ZNF652: variants seen among roughly 807,000 people sequenced by gnomAD.
ZNF652 encodes the protein zinc finger protein 652.
A neutral mutation model predicts 45.2 loss-of-function variants in ZNF652; 16 were observed. The observed-to-expected ratio is 0.35, with a 90% CI of 0.24 to 0.54. ZNF652 has a LOEUF of 0.54. Among genes scored for constraint, ZNF652 ranks in the 20% least tolerant of loss-of-function variants. The probability of loss-of-function intolerance (pLI) is 0.91; values close to 1 mark genes in which losing one functional copy is unlikely to be tolerated. For missense variants in ZNF652, 614 were observed against 765.6 expected, an observed-to-expected ratio of 0.80 and a Z score of 2.34; for synonymous variants, 250 against 260.6, an observed-to-expected ratio of 0.96 and a Z score of 0.39.
intron 1 of ZNF652, among the ~76,000 whole-genome samples, chr17:49,336,012 A>C (rs1014128551): frequency 2.6e-5 from 4 of 151,318 alleles, no homozygotes; most frequent in African/African-American, 9.7e-5. Context: ...TGTCATATCT[A>C]TTGTTACCTT....
chr17:49,309,144 A>G (rs2069672601), intron 5 of ZNF652, among the ~76,000 whole-genome samples: 1 of 151,978 alleles, frequency 6.6e-6, no homozygotes, highest in African/African-American at 2.4e-5. Context: ...GTTACCAAGC[A>G]TCTATGTGCC....
chr17:49,303,826 GTTTT>G (rs905910459), intron 5 of ZNF652, among the ~76,000 whole-genome samples: 14 of 151,854 alleles, frequency 9.2e-5, no homozygotes, highest in African/African-American at 3.1e-4. Flanking sequence ...GGATGTTTAG[GTTTT>G]TTATGTGCTC....
rs1347825844 is a variant in ZNF652, at chr17:49,289,393, T to A, written c.*9020A>T. 1 of 152,238 alleles carries A rather than the reference T, an allele frequency of 6.6e-6. No individual in the cohort carries two copies. Among genetic ancestry groups the A allele is most frequent in the African/African-American group, 2.4e-5 (1 of 41,470 alleles). 9.4% of individuals were successfully genotyped at this position (152,238 alleles called of 1,614,324 possible). ...ACACAAAAAAGTAGTTTTAACAATC[T>A]ATAAATTTTTTATACTTAAAATCAT... On this transcript the variant is annotated 3_prime_UTR_variant, in exon 6 of 6. Coordinates refer to ENST00000430262, the MANE Select transcript of ZNF652 (RefSeq NM_001145365.3).
In ZNF652 at chr17:49,322,884, C is replaced by CAATA. The variant is rs372872752; in HGVS notation, c.-258-4905_-258-4902dup. On this transcript the variant is annotated intron_variant, in intron 1 of 5. Transcript: ENST00000430262. ...TGGGTGACAGAGCAAGACTCCGTCT[C>CAATA]AATAAATAAATAAATAAATGTTAAA... 5.1e-4 allele frequency among the ~76,000 whole-genome samples: 78 copies of CAATA among 152,188 alleles called. No homozygotes were observed. In the Middle Eastern group the frequency reaches 0.01, roughly 20 times the overall value.
intron 1 of ZNF652, among the ~76,000 whole-genome samples, chr17:49,340,868 G>C (rs2070138033): frequency 6.6e-6 from 1 of 152,030 alleles, no homozygotes; most frequent in Non-Finnish European, 1.5e-5. Context: ...GGAACATTTG[G>C]GGCCTGGGCC....
chr17:49,317,149 T>C lies in ZNF652; in HGVS notation c.577A>G (p.Arg193Gly). 3.1e-6 allele frequency: 5 copies of C among 1,614,094 alleles called. No individual in the cohort carries two copies. The highest frequency in any genetic ancestry group is 2.2e-5 in the South Asian group (2 of 91,090). The change falls in exon 2 of 6, where the codon AGG (arginine) becomes GGG (glycine). Residue 193 changes from arginine (R) to glycine (G), a missense_variant. By Grantham distance (125) the Arg-to-Gly change is moderately radical. This residue lies in a region of ZNF652 where 262 missense variants were observed against 306.3 expected (regional missense o/e 0.86). Transcript: ENST00000430262. The part of the protein sequence containing the change: ...EKVSVTQRRT[R>G]RAASVAAATT... ...GCTGCGGCAACAGAGGCAGCTCTCC[T>C]GGTTCTCCTTTGTGTAACGCTGACT...
chr17:49,290,684 GT>G lies in ZNF652; in HGVS notation c.*7728del, dbSNP rs1163721163. ...TCTGGGGATCATCAATATGTAAAAAGTCTAATTAATTAAGATGCCTGACCCA... is the reference window on the plus strand; with the variant it reads ...TCTGGGGATCATCAATATGTAAAAAGCTAATTAATTAAGATGCCTGACCCA... On this transcript the variant is annotated 3_prime_UTR_variant, in exon 6 of 6. Transcript: ENST00000430262. 2.0e-5 allele frequency: 3 copies of G among 152,120 alleles called. No homozygotes were observed. Among genetic ancestry groups the G allele is most frequent in the Admixed American group, 2.0e-4 (3 of 15,268 alleles). The allele number at this position is 152,120 out of a possible 1,614,324, so 9.4% of individuals were successfully genotyped here. A position where few individuals can be genotyped will look rare whatever the true frequency, so the allele number is the denominator to read the frequency against.
At chr17:49,310,494 G>A (rs550695697) in intron 5 of ZNF652, among the ~76,000 whole-genome samples, 17 of 152,170 alleles carry the variant, frequency 1.1e-4, no homozygotes, top group Non-Finnish European at 2.1e-4. Flanking sequence ...TCCATGCTAT[G>A]GAACATATGC....
At chr17:49,314,113 G>T (rs1487359627) in intron 2 of ZNF652, among the ~76,000 whole-genome samples, 3 of 151,244 alleles carry the variant, frequency 2.0e-5, no homozygotes, top group African/African-American at 7.3e-5. Context: ...CGTCCCTCGG[G>T]CAGAATATAC....
chr17:49,294,044 T>C lies in ZNF652; in HGVS notation c.*4369A>G, dbSNP rs1433989854. Among the ~76,000 whole-genome samples the C allele has an allele frequency of 1.3e-5, 2 of 152,132 alleles. No individual in the cohort carries two copies. The highest frequency in any genetic ancestry group is 2.4e-5 in the African/African-American group (1 of 41,428). ...TGAAACCTGCAAGATGGGGTAAATA[T>C]ACATATATCTGCAATGGATTTCTAT... On this transcript the variant is annotated 3_prime_UTR_variant, in exon 6 of 6. Transcript: ENST00000430262.
At chr17:49,348,539 G>GAAAAGA (rs1555552491) in intron 1 of ZNF652, among the ~76,000 whole-genome samples, 1 of 135,564 alleles carries the variant, frequency 7.4e-6, no homozygotes, top group African/African-American at 2.6e-5. Context: ...GAAAAGAAAA[G>GAAAAGA]AAAAACCCCC....
chr17:49,324,734 C>CT (rs1185007907), intron 1 of ZNF652, among the ~76,000 whole-genome samples: 1,628 of 96,190 alleles, frequency 0.017, 74 homozygotes, highest in African/African-American at 0.044. Flanking sequence ...TGGGGTAGCA[C>CT]TTTTTTTTTT....
At chr17:49,311,896 G>A (rs1442815899) in intron 4 of ZNF652, 31 bp downstream of exon 4, 1 of 1,570,798 alleles carries the variant, frequency 6.4e-7, no homozygotes, top group African/African-American at 1.4e-5. Flanking sequence ...CTAGCCCCTA[G>A]GCCTGGGCCT....
At chr17:49,351,012 TATACACACACAC>T (rs1349462981) in intron 1 of ZNF652, among the ~76,000 whole-genome samples, 7 of 20,288 alleles carry the variant, frequency 3.5e-4, no homozygotes, top group Admixed American at 1.5e-3. Context: ...TATATATATA[TATACACACACAC>T]ACACACACAC....
At chr17:49,346,502 G>A in intron 1 of ZNF652, among the ~76,000 whole-genome samples, 1 of 152,194 alleles carries the variant, frequency 6.6e-6, no homozygotes, top group Non-Finnish European at 1.5e-5. Context: ...ACTGAGCTGA[G>A]ATCATACCAC....
intron 1 of ZNF652, among the ~76,000 whole-genome samples, chr17:49,360,106 CACAT>C (rs375753668): frequency 2.6e-5 from 4 of 152,226 alleles, no homozygotes; most frequent in African/African-American, 9.6e-5. Flanking sequence ...GAAAGACTCT[CACAT>C]ACATTTCCTT....
At chr17:49,349,249 T>C (rs1401190253) in intron 1 of ZNF652, among the ~76,000 whole-genome samples, 2 of 152,036 alleles carry the variant, frequency 1.3e-5, no homozygotes, top group African/African-American at 2.4e-5. Flanking sequence ...TGGTGAAACT[T>C]TGTCTCTACT....
Position 49,344,518 on chromosome 17 carries a change from A to ATT in ZNF652, c.-259+17389_-259+17390dup, listed in dbSNP as rs35027750. 7.4e-4 allele frequency among the ~76,000 whole-genome samples: 82 copies of ATT among 110,100 alleles called. 1 individual carries two copies. Among genetic ancestry groups the ATT allele is most frequent in the African/African-American group, 1.4e-3 (39 of 28,648 alleles). The allele number at this position is 110,100 out of a possible 152,430, so 72.2% of individuals were successfully genotyped here. On this transcript the variant is annotated intron_variant, in intron 1 of 5. Transcript: ENST00000430262. ...TCACATTAGCTCACATCAAAGCAAA[A>ATT]TTTTTTTTTTTTTTTTTTTTGAGAC...
chr17:49,289,143 AG>A (rs1289381510), downstream of ZNF652: 1 of 152,018 alleles, frequency 6.6e-6, no homozygotes, highest in Non-Finnish European at 1.5e-5. Context: ...TTTGTTAGCC[AG>A]GGGGACCTCA....
Sources: gnomAD v4.1 joint callset for allele counts (sites outside exome capture counted in the v4.1 genomes callset) on GRCh38, gnomAD v4.1.1 for gene constraint, gnomAD v4.1.1 regional missense constraint, MANE v1.5 for transcripts, NCBI Gene and HGNC (gene_info 2026-07-23, HGNC 2026-07-21) for gene names.